The following LRRC4C variants were observed in gnomAD, a reference collection of about 807,000 sequenced individuals.
LRRC4C encodes leucine-rich repeat-containing protein 4C.
Under a neutral mutation model 33.6 loss-of-function variants are expected in LRRC4C, and 5 were observed. The ratio of observed to expected loss-of-function variants is 0.15; its 90% CI spans 0.08 to 0.31. The LOEUF is 0.31. Ranked by LOEUF, LRRC4C falls within the 10% of genes least tolerant of loss-of-function variation. LRRC4C has a pLI of 1.00. For synonymous variants in LRRC4C, 329 were observed against 302.0 expected, an observed-to-expected ratio of 1.09 and a Z score of -0.93; for missense variants, 560 against 796.7, an observed-to-expected ratio of 0.70 and a Z score of 3.58.
chr11:40,365,812 T>C (rs2137212431), intron 3 of LRRC4C, among the ~76,000 whole-genome samples: 1 of 152,186 alleles, frequency 6.6e-6, no homozygotes, highest in East Asian at 1.9e-4. Flanking sequence ...AAGTGGGTTG[T>C]ATGAGGGATA....
chr11:41,344,511 C>T (rs947381653), intron 1 of LRRC4C, among the ~76,000 whole-genome samples: 5 of 152,134 alleles, frequency 3.3e-5, no homozygotes, highest in Admixed American at 6.5e-5. Flanking sequence ...TGAGCCACCG[C>T]GCCCGGCCAA....
intron 2 of LRRC4C, among the ~76,000 whole-genome samples, chr11:40,929,525 T>C (rs1404083453): frequency 6.6e-6 from 1 of 152,242 alleles, no homozygotes; most frequent in African/African-American, 2.4e-5. Flanking sequence ...GAATTCATTA[T>C]AACTTCAGTG....
At chr11:40,694,545 A>G (rs1945394997) in intron 2 of LRRC4C, among the ~76,000 whole-genome samples, 1 of 152,174 alleles carries the variant, frequency 6.6e-6, no homozygotes, top group Non-Finnish European at 1.5e-5. Flanking sequence ...TACACTCATA[A>G]TGTATTTCCC....
chr11:40,166,768 TG>T (rs1338541161), intron 5 of LRRC4C, among the ~76,000 whole-genome samples: 1 of 152,138 alleles, frequency 6.6e-6, no homozygotes, highest in Admixed American at 6.5e-5. Context: ...GATTGTAACC[TG>T]TATTAAATAA....
At chr11:41,119,886 A>G (rs185780521) in intron 1 of LRRC4C, among the ~76,000 whole-genome samples, 1 of 152,288 alleles carries the variant, frequency 6.6e-6, no homozygotes, top group East Asian at 1.9e-4. Flanking sequence ...CTGAACTTTC[A>G]GTTTTTGCTA....
chr11:41,266,186 C>T (rs1330928221), intron 1 of LRRC4C, among the ~76,000 whole-genome samples: 1 of 152,002 alleles, frequency 6.6e-6, no homozygotes, highest in Non-Finnish European at 1.5e-5. Context: ...TATAAATAGA[C>T]TTAGAACATG....
At chr11:40,622,416 T>C (rs1282387658) in intron 3 of LRRC4C, among the ~76,000 whole-genome samples, 1 of 151,868 alleles carries the variant, frequency 6.6e-6, no homozygotes, top group African/African-American at 2.4e-5. Flanking sequence ...CCCATGAATC[T>C]AGGCTTTTGT....
chr11:40,985,411 C>T (rs989717559), intron 1 of LRRC4C, among the ~76,000 whole-genome samples: 7 of 151,592 alleles, frequency 4.6e-5, no homozygotes, highest in Non-Finnish European at 8.8e-5. Context: ...ACAAAGATGG[C>T]TTTTTCTTTT....
At chr11:41,177,048 T>C (rs1945235055) in intron 1 of LRRC4C, among the ~76,000 whole-genome samples, 1 of 148,178 alleles carries the variant, frequency 6.7e-6, no homozygotes, top group African/African-American at 2.5e-5. Context: ...GTCAGGGGAG[T>C]CTCCACTACC....
chr11:40,569,261 A>G (rs1226472374), intron 3 of LRRC4C, among the ~76,000 whole-genome samples: 1 of 152,160 alleles, frequency 6.6e-6, no homozygotes, highest in Non-Finnish European at 1.5e-5. Flanking sequence ...GACAGCCTGA[A>G]TTTAGACTCA....
chr11:40,684,389 G>T (rs780988045), intron 2 of LRRC4C, among the ~76,000 whole-genome samples: 1 of 151,970 alleles, frequency 6.6e-6, no homozygotes, highest in Non-Finnish European at 1.5e-5. Flanking sequence ...TGAAAGTAAT[G>T]TTAGTGAACT....
intron 1 of LRRC4C, among the ~76,000 whole-genome samples, chr11:40,981,188 G>T (rs1274333791): frequency 6.6e-6 from 1 of 152,116 alleles, no homozygotes; most frequent in African/African-American, 2.4e-5. Flanking sequence ...GGCCGAGACG[G>T]GTGGATCACG....
rs1465031369 is a variant in LRRC4C, at chr11:41,163,292, T to TTTTTTTG, written c.-495-229570_-495-229569insCAAAAAA. On this transcript the variant is annotated intron_variant, in intron 1 of 6. Coordinates refer to ENST00000528697, the MANE Select transcript of LRRC4C (RefSeq NM_001258419.2). ...CTTAGTTTACTGTAACTGTTTTTTT[T>TTTTTTTG]TTTTTTTTTCAAACAGGGTCTTGCT... Among the ~76,000 whole-genome samples the TTTTTTTG allele has an allele frequency of 3.4e-5, 4 of 117,028 alleles. 1 individual carries two copies. The highest frequency in any genetic ancestry group is 7.3e-5 in the Non-Finnish European group (4 of 54,838). 76.8% of individuals were successfully genotyped at this position (117,028 alleles called of 152,430 possible). A position where few individuals can be genotyped will look rare whatever the true frequency, so the allele number is the denominator to read the frequency against.
intron 1 of LRRC4C, among the ~76,000 whole-genome samples, chr11:41,354,101 C>T (rs542053492): frequency 1.3e-3 from 197 of 152,146 alleles, no homozygotes; most frequent in African/African-American, 4.3e-3. Context: ...TCTTTGCAGA[C>T]GATATAATTC....
At chr11:40,551,620 A>C (rs565350624) in intron 3 of LRRC4C, among the ~76,000 whole-genome samples, 1 of 152,012 alleles carries the variant, frequency 6.6e-6, no homozygotes, top group African/African-American at 2.4e-5. Context: ...ATCTGCCTCC[A>C]CCCCACTCCT....
chr11:41,039,788 T>A (rs911487884), intron 1 of LRRC4C, among the ~76,000 whole-genome samples: 30 of 152,082 alleles, frequency 2.0e-4, no homozygotes, highest in Non-Finnish European at 5.9e-5. Flanking sequence ...CTACTTGCTA[T>A]TTGATACCAG....
At chr11:40,610,993 T>G (rs1216796115) in intron 3 of LRRC4C, among the ~76,000 whole-genome samples, 2 of 151,870 alleles carry the variant, frequency 1.3e-5, no homozygotes, top group Non-Finnish European at 2.9e-5. Context: ...AAAATACCAA[T>G]GATTGTTTCT....
chr11:40,584,770 A>G (rs1958635909), intron 3 of LRRC4C, among the ~76,000 whole-genome samples: 1 of 151,946 alleles, frequency 6.6e-6, no homozygotes, highest in Admixed American at 6.6e-5. Flanking sequence ...CATCTCTACT[A>G]AGAATACAAA....
intron 3 of LRRC4C, among the ~76,000 whole-genome samples, chr11:40,645,058 A>C (rs534302391): frequency 1.6e-4 from 24 of 152,258 alleles, no homozygotes; most frequent in African/African-American, 5.5e-4. Context: ...TCTCTACTGC[A>C]CGGCAATCAT....
Sources: gnomAD v4.1 joint callset for allele counts (sites outside exome capture counted in the v4.1 genomes callset) on GRCh38, gnomAD v4.1.1 for gene constraint, MANE v1.5 for transcripts, NCBI Gene and HGNC (gene_info 2026-07-23, HGNC 2026-07-21) for gene names.